TRDN: variants seen among roughly 807,000 people sequenced by gnomAD.
TRDN encodes the protein triadin in skeletal muscle.
A neutral mutation model predicts 149.7 loss-of-function variants in TRDN; 161 were observed. The observed-to-expected ratio is 1.08, with a 90% CI of 0.95 to 1.23. TRDN has a LOEUF of 1.23. TRDN is among the 50% of genes most tolerant of loss of function. TRDN has a pLI of 0.00. For missense variants in TRDN, 896 were observed against 823.5 expected (o/e 1.09, Z -1.08); for synonymous variants, 294 against 250.5 (o/e 1.17, Z -1.64).
At chr6:123,508,452 G>T (rs1384326581) in intron 7 of TRDN, among the ~76,000 whole-genome samples, 3 of 152,156 alleles carry the variant, frequency 2.0e-5, no homozygotes, top group Non-Finnish European at 2.9e-5. Flanking sequence ...GACCAAGGCA[G>T]CAATAACCTC....
chr6:123,582,696 C>T (rs1013299572), intron 1 of TRDN, among the ~76,000 whole-genome samples: 7 of 152,088 alleles, frequency 4.6e-5, no homozygotes, highest in East Asian at 3.9e-4. Context: ...GTGCAGGTCA[C>T]GGGATATGAT....
intron 10 of TRDN, among the ~76,000 whole-genome samples, chr6:123,461,591 A>G (rs1282172741): frequency 6.6e-6 from 1 of 152,178 alleles, no homozygotes; most frequent in African/African-American, 2.4e-5. Flanking sequence ...TTGATTAAAG[A>G]TGAATGGAAT....
At chr6:123,243,827 ATAT>A (rs1345290448) in intron 38 of TRDN, among the ~76,000 whole-genome samples, 1 of 152,200 alleles carries the variant, frequency 6.6e-6, no homozygotes, top group African/African-American at 2.4e-5. Flanking sequence ...AAGTGACAGA[ATAT>A]TGAAATTATC....
chr6:123,474,676 TAAA>T (rs1777367861), intron 9 of TRDN, among the ~76,000 whole-genome samples: 1 of 151,890 alleles, frequency 6.6e-6, no homozygotes, highest in Admixed American at 6.6e-5. Flanking sequence ...TACTTGGAAG[TAAA>T]GCTCTCCTCA....
intron 21 of TRDN, chr6:123,352,080 A>T (rs1473374616): frequency 1.0e-6 from 1 of 977,782 alleles, no homozygotes; most frequent in Non-Finnish European, 1.2e-6. Context: ...ATCATAATAT[A>T]CTCTATTTTT....
chr6:123,420,392 A>T (rs77005998), intron 12 of TRDN, among the ~76,000 whole-genome samples: 43 of 76,290 alleles, frequency 5.6e-4, no homozygotes, highest in Admixed American at 1.9e-3. Flanking sequence ...GGATTTTTTT[A>T]AAAAAAAAAC....
chr6:123,523,443 C>T (rs560929924), intron 5 of TRDN, among the ~76,000 whole-genome samples: 141 of 152,136 alleles, frequency 9.3e-4, no homozygotes, highest in African/African-American at 3.1e-3. Context: ...GAAGCTGGAA[C>T]GCTGTAGGGG....
intron 9 of TRDN, among the ~76,000 whole-genome samples, chr6:123,491,055 G>A (rs925432973): frequency 1.3e-5 from 2 of 151,040 alleles, no homozygotes; most frequent in East Asian, 3.9e-4. Flanking sequence ...GCAGTGAGCC[G>A]AGATGGCACC....
intron 21 of TRDN, chr6:123,350,457 A>G (rs1780419913): frequency 1.3e-5 from 7 of 557,816 alleles, no homozygotes; most frequent in Non-Finnish European, 1.6e-5. Context: ...GAATTTAACT[A>G]TATTTCAATG....
chr6:123,591,126 CAT>C (rs1266152586), intron 1 of TRDN, among the ~76,000 whole-genome samples: 1 of 151,992 alleles, frequency 6.6e-6, no homozygotes, highest in Non-Finnish European at 1.5e-5. Context: ...AAAACAAATC[CAT>C]AGAGTATTTT....
intron 24 of TRDN, among the ~76,000 whole-genome samples, chr6:123,297,447 T>G (rs925280573): frequency 6.6e-6 from 1 of 152,036 alleles, no homozygotes. Flanking sequence ...GTAGATATGA[T>G]TAATCAGAAA....
chr6:123,375,961 A>G (rs1200292594), intron 18 of TRDN, among the ~76,000 whole-genome samples: 1 of 152,148 alleles, frequency 6.6e-6, no homozygotes, highest in Non-Finnish European at 1.5e-5. Context: ...CATTTTCCTC[A>G]AAGTCTATAA....
chr6:123,405,140 T>C (rs920909284), intron 12 of TRDN, among the ~76,000 whole-genome samples: 4 of 152,228 alleles, frequency 2.6e-5, no homozygotes, highest in African/African-American at 9.6e-5. Flanking sequence ...GCAGTCAACC[T>C]AGAGGTTGCC....
chr6:123,402,898 TAAAC>T (rs1773040017), intron 12 of TRDN, among the ~76,000 whole-genome samples: 1 of 152,230 alleles, frequency 6.6e-6, no homozygotes, highest in African/African-American at 2.4e-5. Flanking sequence ...TTGGACTTGA[TAAAC>T]AGAATAGGTT....
At chr6:123,274,840 T>C (rs1777317343) in intron 26 of TRDN, among the ~76,000 whole-genome samples, 170 bp from the exon 27 acceptor site, 1 of 152,062 alleles carries the variant, frequency 6.6e-6, no homozygotes, top group Non-Finnish European at 1.5e-5. Context: ...GCCACTGCAC[T>C]CCAGCTTAGG....
chr6:123,561,402 A>T (rs1450415794), intron 2 of TRDN, among the ~76,000 whole-genome samples: 2 of 152,184 alleles, frequency 1.3e-5, no homozygotes, highest in Non-Finnish European at 2.9e-5. Flanking sequence ...CTCAGCATTC[A>T]GGCGGGTCTG....
intron 1 of TRDN, among the ~76,000 whole-genome samples, chr6:123,630,335 A>C (rs2114738952): frequency 6.6e-6 from 1 of 152,188 alleles, no homozygotes; most frequent in Admixed American, 6.6e-5. Context: ...GGAAAATCTT[A>C]ACCATTTTCT....
intron 12 of TRDN, among the ~76,000 whole-genome samples, chr6:123,431,346 T>C (rs1774335029): frequency 6.6e-6 from 1 of 152,174 alleles, no homozygotes; most frequent in Non-Finnish European, 1.5e-5. Context: ...TTATCTGGAA[T>C]ATAAAATAAT....
At chr6:123,365,037 A>G (rs17085283) in intron 20 of TRDN, among the ~76,000 whole-genome samples, 2,161 of 152,362 alleles carry the variant, frequency 0.014, 178 homozygotes, top group Admixed American at 0.13. Context: ...GATGTCAATG[A>G]AAGATGTATC....
Sources: gnomAD v4.1 joint callset for allele counts (sites outside exome capture counted in the v4.1 genomes callset) on GRCh38, gnomAD v4.1.1 for gene constraint, MANE v1.5 for transcripts, NCBI Gene and HGNC (gene_info 2026-07-23, HGNC 2026-07-21) for gene names.